Variants in RFTN1 observed in about 807,000 individuals in gnomAD.
RFTN1 encodes the protein raftlin, lipid raft linker 1.
Under a neutral mutation model 46.5 loss-of-function variants are expected in RFTN1, and 26 were observed. The observed-to-expected ratio is 0.56, with a 90% CI of 0.41 to 0.78. RFTN1 has a LOEUF of 0.78. Ranked by LOEUF, RFTN1 falls within the 30% of genes least tolerant of loss-of-function variation. The probability of loss-of-function intolerance (pLI) is 0.00; values close to 1 mark genes in which losing one functional copy is unlikely to be tolerated. For synonymous variants in RFTN1, 261 were observed against 284.2 expected (o/e 0.92, Z 0.82); for missense variants, 693 against 718.7 (o/e 0.96, Z 0.41).
At position 16,322,665 on chromosome 3, in the gene RFTN1, G is replaced by T. The variant is rs1487030504; in HGVS notation, c.1332+711C>A. Reference sequence around the variant, plus strand: ...GGGTGGGAAGCATCAGAATCATCTGGCACAAGGGTTGCCGACACTTGCACC... The same window carrying T: ...GGGTGGGAAGCATCAGAATCATCTGTCACAAGGGTTGCCGACACTTGCACC... On this transcript the variant is annotated intron_variant, in intron 9 of 9. Coordinates refer to ENST00000334133, the MANE Select transcript of RFTN1 (RefSeq NM_015150.2). The surrounding 1 kb of genome is among the most constrained non-coding windows in gnomAD (Gnocchi z 6.2). Among the ~76,000 whole-genome samples, 1 of 152,184 alleles carries T rather than the reference G, an allele frequency of 6.6e-6. No homozygotes were observed. The highest frequency in any genetic ancestry group is 2.4e-5 in the African/African-American group (1 of 41,440).
intron 6 of RFTN1, among the ~76,000 whole-genome samples, chr3:16,369,727 C>T (rs1221479197): frequency 6.6e-6 from 1 of 152,172 alleles, no homozygotes; most frequent in Non-Finnish European, 1.5e-5. Context: ...AAACAATTTG[C>T]ACTTTGGAAT....
chr3:16,499,117 G>A lies in RFTN1; in HGVS notation c.-8-5240C>T, dbSNP rs1433865417. Among the ~76,000 whole-genome samples the A allele has an allele frequency of 6.6e-6, 1 of 152,202 alleles. No individual in the cohort carries two copies. Among genetic ancestry groups the A allele is most frequent in the East Asian group, 1.9e-4 (1 of 5,200 alleles). On this transcript the variant is annotated intron_variant, in intron 1 of 9. Transcript: ENST00000334133. The surrounding 1 kb of genome is among the most constrained non-coding windows in gnomAD (Gnocchi z 4.9). Reference sequence around the variant, plus strand: ...GCACATTCCCGCACACAGACATTCAGGGAGTGTCTCAGTAGAAGGACATCT... The same window carrying A: ...GCACATTCCCGCACACAGACATTCAAGGAGTGTCTCAGTAGAAGGACATCT...
rs1356372225 is a variant in RFTN1, at chr3:16,422,295, A to G, written c.332+11556T>C. Among the ~76,000 whole-genome samples the G allele has an allele frequency of 6.6e-6, 1 of 152,228 alleles. No homozygotes were observed. The highest frequency in any genetic ancestry group is 1.5e-5 in the Non-Finnish European group (1 of 68,038). On this transcript the variant is annotated intron_variant, in intron 3 of 9. Transcript: ENST00000334133. The surrounding 1 kb of genome is among the most constrained non-coding windows in gnomAD (Gnocchi z 4.6). The stretch of plus-strand genomic sequence containing the variant: ...CTGAAGAAATTATTTCAGGCTTTAC[A>G]TGGAAAAATCAACGTACAAAAGTTA...
chr3:16,333,260 C>T (rs1249659581), intron 7 of RFTN1, among the ~76,000 whole-genome samples: 1 of 152,200 alleles, frequency 6.6e-6, no homozygotes, highest in African/African-American at 2.4e-5. Flanking sequence ...AGGACACTTG[C>T]TTTTAGTATG....
At chr3:16,355,147 A>T (rs2072353100) in intron 7 of RFTN1, among the ~76,000 whole-genome samples, 1 of 152,138 alleles carries the variant, frequency 6.6e-6, no homozygotes, top group Admixed American at 6.5e-5. Flanking sequence ...CTAACACTCC[A>T]TTCACAGAAA....
intron 8 of RFTN1, among the ~76,000 whole-genome samples, chr3:16,326,305 A>G (rs1012014877): frequency 6.6e-6 from 1 of 152,222 alleles, no homozygotes; most frequent in Non-Finnish European, 1.5e-5. Flanking sequence ...CCAGTGCTTG[A>G]TCTTGGCCAA....
Position 16,442,397 on chromosome 3 carries a change from C to T in RFTN1, c.146-8360G>A, listed in dbSNP as rs991241964. On this transcript the variant is annotated intron_variant, in intron 2 of 9. Transcript: ENST00000334133. This position sits in a 1 kb window ranked among gnomAD's most constrained non-coding sequence, Gnocchi z 4.1. ...TCCCATTCCCCTCTCTCCCCGAGCC[C>T]TAGCAATCAATAACATGCTTTCACA... 1.3e-5 allele frequency among the ~76,000 whole-genome samples: 2 copies of T among 152,074 alleles called. No homozygotes were observed. Among genetic ancestry groups the T allele is most frequent in the African/African-American group, 4.8e-5 (2 of 41,400 alleles).
At chr3:16,463,034 C>T (rs2076034150) in intron 2 of RFTN1, among the ~76,000 whole-genome samples, 1 of 152,192 alleles carries the variant, frequency 6.6e-6, no homozygotes. Flanking sequence ...AGAGCCTGAT[C>T]CTGTAATGGT....
chr3:16,326,939 G>C, intron 7 of RFTN1, 63 bp from the exon 8 acceptor site: 1 of 1,281,274 alleles, frequency 7.8e-7, no homozygotes, highest in Non-Finnish European at 1.1e-6. Flanking sequence ...GGCAATGAGA[G>C]GGGACTATTC....
chr3:16,493,254 CAG>C (rs2076570117), intron 2 of RFTN1, among the ~76,000 whole-genome samples: 1 of 148,422 alleles, frequency 6.7e-6, no homozygotes, highest in Admixed American at 6.7e-5. Context: ...TTTTTTGAGA[CAG>C]AGTCTCGCTC....
In RFTN1 at chr3:16,422,707, G is replaced by C. The variant is rs1189078070; in HGVS notation, c.332+11144C>G. On this transcript the variant is annotated intron_variant, in intron 3 of 9. Coordinates refer to ENST00000334133, the MANE Select transcript of RFTN1 (RefSeq NM_015150.2). The surrounding 1 kb of genome is among the most constrained non-coding windows in gnomAD (Gnocchi z 4.6). ...TTATCATCAAAATAACATGGTTCTGGCACAAAAATCAATAAGTAGATCAAA... is the reference window on the plus strand; with the variant it reads ...TTATCATCAAAATAACATGGTTCTGCCACAAAAATCAATAAGTAGATCAAA... Among the ~76,000 whole-genome samples, 2 of 151,916 alleles carry C rather than the reference G, an allele frequency of 1.3e-5. No homozygotes were observed. Among genetic ancestry groups the C allele is most frequent in the Non-Finnish European group, 2.9e-5 (2 of 67,978 alleles).
At chr3:16,476,841 T>C (rs1032837139) in intron 2 of RFTN1, among the ~76,000 whole-genome samples, 13 of 152,352 alleles carry the variant, frequency 8.5e-5, no homozygotes, top group African/African-American at 2.4e-4. Flanking sequence ...GTGGTTATTT[T>C]TCTTTACTTT....
intron 3 of RFTN1, among the ~76,000 whole-genome samples, chr3:16,416,485 A>G (rs2125459781): frequency 6.6e-6 from 1 of 152,366 alleles, no homozygotes; most frequent in East Asian, 1.9e-4. Flanking sequence ...ACCAATGTCA[A>G]TTTCTTAGTT....
rs1334661417 is a variant in RFTN1, at chr3:16,446,916, A to G, written c.146-12879T>C. Among the ~76,000 whole-genome samples, 1 of 152,256 alleles carries G rather than the reference A, an allele frequency of 6.6e-6. No individual in the cohort carries two copies. Among genetic ancestry groups the G allele is most frequent in the Non-Finnish European group, 1.5e-5 (1 of 68,042 alleles). On this transcript the variant is annotated intron_variant, in intron 2 of 9. Coordinates refer to ENST00000334133, the MANE Select transcript of RFTN1 (RefSeq NM_015150.2). The surrounding 1 kb of genome is among the most constrained non-coding windows in gnomAD (Gnocchi z 4.5). ...TGAATTTTCAAAAGCTTCTGAATAT[A>G]GTAATATAAAATGACAAACTATGGA...
chr3:16,343,624 T>C (rs1387891775), intron 7 of RFTN1, among the ~76,000 whole-genome samples: 1 of 152,230 alleles, frequency 6.6e-6, no homozygotes, highest in Non-Finnish European at 1.5e-5. Context: ...CAGGGAGAAG[T>C]CCTTCATGCA....
At position 16,424,485 on chromosome 3, in the gene RFTN1, C is replaced by T. The variant is rs1029531912; in HGVS notation, c.332+9366G>A. ...GACATAATGAGAATTAATTATAATA[C>T]CGAAAACATACAGGAACAAAGCAAA... On this transcript the variant is annotated intron_variant, in intron 3 of 9. Transcript: ENST00000334133. The surrounding 1 kb of genome is among the most constrained non-coding windows in gnomAD (Gnocchi z 4.7). Among the ~76,000 whole-genome samples the T allele has an allele frequency of 6.6e-6, 1 of 152,132 alleles. No homozygotes were observed. The highest frequency in any genetic ancestry group is 2.4e-5 in the African/African-American group (1 of 41,416).
chr3:16,346,641 T>C lies in RFTN1; in HGVS notation c.1146+11291A>G, dbSNP rs550576834. ...CATGACTCTTGACAAGTGGCATGGG[T>C]CTGTGACTCAGTCCTGGCCAATGAG... On this transcript the variant is annotated intron_variant, in intron 7 of 9. Transcript: ENST00000334133. The surrounding 1 kb of genome is among the most constrained non-coding windows in gnomAD (Gnocchi z 4.4). Among the ~76,000 whole-genome samples, 8 of 152,204 alleles carry C rather than the reference T, an allele frequency of 5.3e-5. No homozygotes were observed. Among genetic ancestry groups the C allele is most frequent in the African/African-American group, 1.9e-4 (8 of 41,536 alleles).
At chr3:16,496,756 G>C (rs980873796) in intron 1 of RFTN1, among the ~76,000 whole-genome samples, 2 of 152,094 alleles carry the variant, frequency 1.3e-5, no homozygotes, top group African/African-American at 4.8e-5. Context: ...GTACATATGG[G>C]CATCGAAAGA....
intron 4 of RFTN1, among the ~76,000 whole-genome samples, chr3:16,396,338 G>A (rs982182482): frequency 1.7e-4 from 26 of 151,960 alleles, no homozygotes; most frequent in African/African-American, 5.1e-4. Flanking sequence ...ACCCAGGCTG[G>A]AGTGCAGCAG....
Sources: gnomAD v4.1 joint callset for allele counts (sites outside exome capture counted in the v4.1 genomes callset) on GRCh38, gnomAD v4.1.1 for gene constraint, Gnocchi (gnomAD v3.1) non-coding constraint, MANE v1.5 for transcripts, NCBI Gene and HGNC (gene_info 2026-07-23, HGNC 2026-07-21) for gene names.